The following VTI1A variants were observed in gnomAD, a reference collection of about 807,000 sequenced individuals.
The protein encoded by VTI1A is vesicle transport through interaction with t-SNAREs homolog 1A.
Under a neutral mutation model 34.9 loss-of-function variants are expected in VTI1A, and 22 were observed. The observed-to-expected ratio is 0.63, with a 90% CI of 0.45 to 0.90. The LOEUF is 0.90. Among genes scored for constraint, VTI1A ranks in the 40% least tolerant of loss-of-function variants. The probability of loss-of-function intolerance (pLI) is 0.00; values close to 1 mark genes in which losing one functional copy is unlikely to be tolerated. For missense variants in VTI1A, 268 were observed against 275.6 expected (o/e 0.97, Z 0.20); for synonymous variants, 87 against 97.3 (o/e 0.89, Z 0.62).
At chr10:112,452,027 A>T (rs867709858) in intron 1 of VTI1A, among the ~76,000 whole-genome samples, 1 of 152,226 alleles carries the variant, frequency 6.6e-6, no homozygotes, top group Admixed American at 6.5e-5. Context: ...AAATACTGCT[A>T]CAAGAAAATT....
At chr10:112,553,049 A>G (rs1851420038) in intron 5 of VTI1A, among the ~76,000 whole-genome samples, 1 of 152,244 alleles carries the variant, frequency 6.6e-6, no homozygotes, top group Admixed American at 6.5e-5. Flanking sequence ...ATCGTCTCAC[A>G]TCCACCCCTT....
At position 112,500,400 on chromosome 10, in the gene VTI1A, A is replaced by G. The variant is rs73365006; in HGVS notation, c.265-26687A>G. On this transcript the variant is annotated intron_variant, in intron 3 of 7. Transcript: ENST00000393077. ...CAGTCAGCCGAGATCGCACCACGGC[A>G]CTCACTCCAGCCTGGCGACAGACTC... Among the ~76,000 whole-genome samples, 1,241 of 151,986 alleles carry G rather than the reference A, an allele frequency of 8.2e-3. 23 individuals are homozygous for G. The highest frequency in any genetic ancestry group is 0.028 in the African/African-American group (1,175 of 41,432).
At chr10:112,794,462 G>C (rs968650858) in intron 7 of VTI1A, among the ~76,000 whole-genome samples, 1 of 152,038 alleles carries the variant, frequency 6.6e-6, no homozygotes, top group Non-Finnish European at 1.5e-5. Flanking sequence ...TGAGGTGGGA[G>C]GACTGCTTGA....
chr10:112,760,211 C>T (rs1851416112), intron 7 of VTI1A, among the ~76,000 whole-genome samples: 1 of 152,182 alleles, frequency 6.6e-6, no homozygotes, highest in Admixed American at 6.5e-5. Context: ...AAAGCTTGAA[C>T]CATGGATAGT....
At chr10:112,556,687 A>G (rs766929111) in intron 5 of VTI1A, among the ~76,000 whole-genome samples, 24 of 151,992 alleles carry the variant, frequency 1.6e-4, no homozygotes, top group Non-Finnish European at 5.9e-5. Flanking sequence ...TCTTATCCTA[A>G]TTTGTGGCAT....
chr10:112,489,114 G>C (rs745588457), intron 3 of VTI1A, among the ~76,000 whole-genome samples: 2 of 152,096 alleles, frequency 1.3e-5, no homozygotes, highest in African/African-American at 2.4e-5. Flanking sequence ...GATTCTGAAG[G>C]CCCAGGTGGG....
At chr10:112,691,301 A>ATAAC (rs1315624503) in intron 7 of VTI1A, among the ~76,000 whole-genome samples, 1 of 151,280 alleles carries the variant, frequency 6.6e-6, no homozygotes, top group African/African-American at 2.5e-5. Context: ...AAATAAATAA[A>ATAAC]TAAATGAAAG....
intron 5 of VTI1A, chr10:112,548,848 A>G: frequency 6.8e-7 from 1 of 1,479,158 alleles, no homozygotes; most frequent in Non-Finnish European, 9.1e-7. Context: ...GCCATCTTCC[A>G]GCTTTTTACC....
chr10:112,737,019 A>G (rs1268063859), intron 7 of VTI1A: 1 of 536,326 alleles, frequency 1.9e-6, no homozygotes, highest in East Asian at 2.9e-5. Context: ...TGATTCTGTA[A>G]TAATCAAGGG....
In VTI1A at chr10:112,625,730, A is replaced by G. The variant is rs932081362; in HGVS notation, c.428-42488A>G. Among the ~76,000 whole-genome samples the G allele has an allele frequency of 2.6e-5, 4 of 152,030 alleles. No individual in the cohort carries two copies. In the South Asian group the frequency reaches 6.2e-4, roughly 24 times the overall value. On this transcript the variant is annotated intron_variant, in intron 5 of 7. Transcript: ENST00000393077. ...GATGCAGAGGCATAAGAATGACGCA[A>G]TGGACTTTGGGGACTTAGGGGGAAA...
At position 112,447,345 on chromosome 10, in the gene VTI1A, T is replaced by G. The variant is rs770507960; in HGVS notation, c.-29T>G. The G allele has an allele frequency of 6.2e-7, 1 of 1,607,846 alleles. No individual in the cohort carries two copies. Among genetic ancestry groups the G allele is most frequent in the African/African-American group, 1.3e-5 (1 of 74,706 alleles). On this transcript the variant is annotated 5_prime_UTR_variant, in exon 1 of 8. Coordinates refer to ENST00000393077, the MANE Select transcript of VTI1A (RefSeq NM_145206.4). The stretch of plus-strand genomic sequence containing the variant: ...GAGGCCCTTTCCCTGACCTAGGCTT[T>G]GGCCTGGGCTACTCGTTCCGGAGCC...
intron 1 of VTI1A, among the ~76,000 whole-genome samples, chr10:112,455,923 C>A (rs557110129): frequency 6.6e-6 from 1 of 151,870 alleles, no homozygotes; most frequent in South Asian, 2.1e-4. Flanking sequence ...GAAGATTTGC[C>A]CCAGTCCTCA....
the VTI1A span, among the ~76,000 whole-genome samples, chr10:112,854,502 G>GGTGGGGT: frequency 1.9e-3 from 291 of 152,282 alleles, no homozygotes; most frequent in Middle Eastern, 6.8e-3. Flanking sequence ...ACAGTCACCA[G>GGTGGGGT]CTGGGCCCCG....
intron 7 of VTI1A, among the ~76,000 whole-genome samples, chr10:112,734,654 C>CTT (rs34618895): frequency 2.9e-5 from 4 of 138,634 alleles, no homozygotes; most frequent in Non-Finnish European, 6.2e-5. Context: ...CAATAAATTT[C>CTT]TTTTTTTTTT....
intron 7 of VTI1A, among the ~76,000 whole-genome samples, chr10:112,814,722 G>A (rs912836549): frequency 3.3e-5 from 5 of 152,136 alleles, no homozygotes; most frequent in Non-Finnish European, 5.9e-5. Context: ...TCCTCCTAGC[G>A]TAACGGAGCG....
At chr10:112,726,621 A>G (rs1850036702) in intron 7 of VTI1A, among the ~76,000 whole-genome samples, 1 of 152,194 alleles carries the variant, frequency 6.6e-6, no homozygotes, top group Non-Finnish European at 1.5e-5. Flanking sequence ...GAGTTAGTTT[A>G]TCTTAACCAT....
At chr10:112,808,830 G>A (rs1564933641) in intron 7 of VTI1A, among the ~76,000 whole-genome samples, 1 of 152,098 alleles carries the variant, frequency 6.6e-6, no homozygotes. Context: ...TCTGGTGTCG[G>A]CTTCTTTCAG....
intron 1 of VTI1A, among the ~76,000 whole-genome samples, chr10:112,450,896 C>A (rs1001669306): frequency 2.6e-5 from 4 of 152,080 alleles, no homozygotes; most frequent in Admixed American, 1.3e-4. Flanking sequence ...TTGTGAAGTT[C>A]CTTTTCCTCT....
At chr10:112,558,436 G>A (rs188649026) in intron 5 of VTI1A, among the ~76,000 whole-genome samples, 1 of 152,166 alleles carries the variant, frequency 6.6e-6, no homozygotes, top group Non-Finnish European at 1.5e-5. Flanking sequence ...TATTGATTCA[G>A]TGTGCATAAA....
Sources: gnomAD v4.1 joint callset for allele counts (sites outside exome capture counted in the v4.1 genomes callset) on GRCh38, gnomAD v4.1.1 for gene constraint, MANE v1.5 for transcripts, NCBI Gene and HGNC (gene_info 2026-07-23, HGNC 2026-07-21) for gene names.